EBF1: variants seen among roughly 807,000 people sequenced by gnomAD.
The protein encoded by EBF1 is EBF transcription factor 1.
A neutral mutation model predicts 68.4 loss-of-function variants in EBF1; 10 were observed. The ratio of observed to expected loss-of-function variants is 0.15; its 90% confidence interval spans 0.09 to 0.25. The LOEUF (loss-of-function observed/expected upper bound fraction) is 0.25. Ranked by LOEUF, EBF1 falls within the 10% of genes least tolerant of loss-of-function variation. The pLI is 1.00. For missense variants in EBF1, 509 were observed against 794.4 expected (o/e 0.64, Z 4.32); for synonymous variants, 298 against 299.8 (o/e 0.99, Z 0.06).
At chr5:159,027,710 T>C (rs1339974339) in intron 6 of EBF1, among the ~76,000 whole-genome samples, 2 of 152,360 alleles carry the variant, frequency 1.3e-5, no homozygotes, top group South Asian at 2.1e-4. Flanking sequence ...GTGTAGCAGC[T>C]GGCATCTGAA....
chr5:159,062,356 G>A (rs1776015751), intron 6 of EBF1, among the ~76,000 whole-genome samples: 2 of 152,140 alleles, frequency 1.3e-5, no homozygotes, highest in Non-Finnish European at 2.9e-5. Context: ...CAGAAGGCAA[G>A]CTCCCGTCTG....
intron 9 of EBF1, among the ~76,000 whole-genome samples, chr5:158,785,967 T>C (rs1010155332): frequency 1.3e-5 from 2 of 152,176 alleles, no homozygotes; most frequent in African/African-American, 4.8e-5. Context: ...ATGTTTCCAG[T>C]GTTTAACAAG....
chr5:158,704,024 T>C (rs564340498), intron 15 of EBF1, among the ~76,000 whole-genome samples: 29 of 152,320 alleles, frequency 1.9e-4, no homozygotes, highest in African/African-American at 6.5e-4. Context: ...AAATGTAATA[T>C]AGCATAGGGG....
intron 6 of EBF1, among the ~76,000 whole-genome samples, chr5:159,004,441 G>T (rs1317911818): frequency 6.6e-6 from 1 of 152,176 alleles, no homozygotes; most frequent in Non-Finnish European, 1.5e-5. Context: ...AGGTTCAACA[G>T]CTCTGACTTA....
At chr5:159,092,511 G>C (rs1304795500) in intron 4 of EBF1, among the ~76,000 whole-genome samples, 1 of 152,108 alleles carries the variant, frequency 6.6e-6, no homozygotes, top group African/African-American at 2.4e-5. Context: ...ACTTTGAAAA[G>C]GTGTGAAATA....
chr5:158,928,126 G>A (rs899035317), intron 6 of EBF1, among the ~76,000 whole-genome samples: 1 of 152,180 alleles, frequency 6.6e-6, no homozygotes, highest in Non-Finnish European at 1.5e-5. Flanking sequence ...CAGGGTGTCA[G>A]ATACATAAGG....
intron 4 of EBF1, among the ~76,000 whole-genome samples, chr5:159,092,966 A>G (rs1340003028): frequency 6.6e-6 from 1 of 152,252 alleles, no homozygotes; most frequent in East Asian, 1.9e-4. Context: ...GAGCCACTGT[A>G]TATTAAACTA....
chr5:158,790,388 C>T (rs1457411460), intron 9 of EBF1, among the ~76,000 whole-genome samples: 1 of 152,178 alleles, frequency 6.6e-6, no homozygotes, highest in Non-Finnish European at 1.5e-5. Context: ...TTTCTCACAT[C>T]TATCCCAGTC....
At position 158,840,645 on chromosome 5, in the gene EBF1, GTTTTTTTTTTTTTTT is replaced by G. The variant is rs534374216; in HGVS notation, c.555-550_555-536del. Among the ~76,000 whole-genome samples the G allele has an allele frequency of 7.7e-5, 5 of 64,816 alleles. No individual in the cohort carries two copies. The East Asian group carries it at 2.7e-3, about 35-fold the overall frequency. 42.5% of individuals were successfully genotyped at this position (64,816 alleles called of 152,430 possible). A position where few individuals can be genotyped will look rare whatever the true frequency, so the allele number is the denominator to read the frequency against. ...TCCTTTGACTTCTCAAATACCTCCT[GTTTTTTTTTTTTTTT>G]TTTTTTTTTTTTGTTTTTTTTTTTT... On this transcript the variant is annotated intron_variant, in intron 6 of 15. Transcript: ENST00000313708.
chr5:158,697,700 AAAT>A lies in EBF1; in HGVS notation c.*1408_*1410del. 4.8e-6 allele frequency: 1 copy of A among 207,308 alleles called. No homozygotes were observed. The highest frequency in any genetic ancestry group is 9.9e-6 in the Non-Finnish European group (1 of 101,514). 12.8% of individuals were successfully genotyped at this position (207,308 alleles called of 1,614,324 possible). On this transcript the variant is annotated 3_prime_UTR_variant, in exon 16 of 16. Coordinates refer to ENST00000313708, the MANE Select transcript of EBF1 (RefSeq NM_024007.5). The stretch of plus-strand genomic sequence containing the variant: ...GTAAAATCTTTTTGTGATATTGAAA[AAAT>A]GTCTTAAGACATTAAAATGTATAAA...
At chr5:158,755,179 T>G (rs923149133) in intron 10 of EBF1, among the ~76,000 whole-genome samples, 3 of 148,216 alleles carry the variant, frequency 2.0e-5, no homozygotes, top group Non-Finnish European at 1.5e-5. Flanking sequence ...GTTTTGTTTT[T>G]TTTTCACATA....
intron 6 of EBF1, among the ~76,000 whole-genome samples, chr5:158,971,517 G>A (rs138017876): frequency 3.2e-4 from 49 of 152,268 alleles, no homozygotes; most frequent in African/African-American, 1.2e-3. Context: ...CTTTTGCTTC[G>A]GTTGCAGGAC....
At chr5:158,962,153 T>C (rs1319142393) in intron 6 of EBF1, among the ~76,000 whole-genome samples, 2 of 152,122 alleles carry the variant, frequency 1.3e-5, no homozygotes, top group Non-Finnish European at 2.9e-5. Context: ...GCGGTATGCT[T>C]CCAAAATACG....
intron 6 of EBF1, among the ~76,000 whole-genome samples, chr5:158,988,511 A>G (rs541016639): frequency 6.6e-6 from 1 of 152,146 alleles, no homozygotes; most frequent in Non-Finnish European, 1.5e-5. Context: ...TCTCCAATAA[A>G]TCCCTTTCCA....
At chr5:158,712,125 A>T in intron 14 of EBF1, 29 bp downstream of exon 14, 3 of 1,611,338 alleles carry the variant, frequency 1.9e-6, no homozygotes, top group Non-Finnish European at 2.5e-6. Context: ...CGAAACGTGC[A>T]GGAACGCAGG....
At chr5:158,713,461 A>G (rs1474513132) in intron 12 of EBF1, among the ~76,000 whole-genome samples, 1 of 152,208 alleles carries the variant, frequency 6.6e-6, no homozygotes, top group Non-Finnish European at 1.5e-5. Context: ...ACTACCCTAC[A>G]GTCCATACAG....
chr5:158,975,989 C>T (rs1483560489), intron 6 of EBF1, among the ~76,000 whole-genome samples: 2 of 152,156 alleles, frequency 1.3e-5, no homozygotes, highest in Non-Finnish European at 2.9e-5. Context: ...TCCTTTCTTG[C>T]ACCTGAAATA....
chr5:158,873,810 C>T (rs539143569), intron 6 of EBF1, among the ~76,000 whole-genome samples: 1 of 152,252 alleles, frequency 6.6e-6, no homozygotes, highest in African/African-American at 2.4e-5. Flanking sequence ...TAATTCAGTG[C>T]TATTTAAAGA....
chr5:158,714,765 T>C (rs1179823352), intron 11 of EBF1, among the ~76,000 whole-genome samples: 1 of 152,230 alleles, frequency 6.6e-6, no homozygotes, highest in African/African-American at 2.4e-5. Flanking sequence ...TCTACTGTCC[T>C]CAGAGGCCCC....
Sources: gnomAD v4.1 joint callset for allele counts (sites outside exome capture counted in the v4.1 genomes callset) on GRCh38, gnomAD v4.1.1 for gene constraint, MANE v1.5 for transcripts, NCBI Gene and HGNC (gene_info 2026-07-23, HGNC 2026-07-21) for gene names.